ATP9B: variants seen among roughly 807,000 people sequenced by gnomAD.
ATP9B encodes probable phospholipid-transporting ATPase IIB.
Under a neutral mutation model 146.1 loss-of-function variants are expected in ATP9B, and 110 were observed. The ratio of observed to expected loss-of-function variants is 0.75; its 90% CI spans 0.65 to 0.88. The LOEUF (loss-of-function observed/expected upper bound fraction) is 0.88. ATP9B is among the 40% of genes least tolerant of loss of function. The pLI is 0.00. For synonymous variants in ATP9B, 604 were observed against 569.7 expected, an observed-to-expected ratio of 1.06 and a Z score of -0.86; for missense variants, 1,499 against 1,496.4, an observed-to-expected ratio of 1.00 and a Z score of -0.03.
intron 8 of ATP9B, among the ~76,000 whole-genome samples, chr18:79,185,546 C>CA (rs1452292975): frequency 2.4e-4 from 37 of 152,180 alleles, no homozygotes; most frequent in African/African-American, 7.9e-4. Context: ...ACCACACCAC[C>CA]AAAAAGCAGT....
intron 12 of ATP9B, among the ~76,000 whole-genome samples, chr18:79,256,286 T>TATATATATATATATATACAC (rs398033647): frequency 1.6e-4 from 20 of 123,064 alleles, no homozygotes; most frequent in African/African-American, 5.2e-4. Flanking sequence ...TATATATATA[T>TATATATATATATATATACAC]ACATACATAG....
chr18:79,089,828 T>C (rs1036204803), intron 1 of ATP9B, among the ~76,000 whole-genome samples: 4 of 152,214 alleles, frequency 2.6e-5, no homozygotes, highest in Admixed American at 2.0e-4. Flanking sequence ...CTCTTAATTA[T>C]AGTTGCCTTG....
Position 79,327,682 on chromosome 18 carries a change from C to A in ATP9B, c.1774-1459C>A, listed in dbSNP as rs1321188834. Among the ~76,000 whole-genome samples, 15 of 139,340 alleles carry A rather than the reference C, an allele frequency of 1.1e-4. 1 individual carries two copies. Among genetic ancestry groups the A allele is most frequent in the African/African-American group, 3.5e-4 (13 of 36,658 alleles). The allele number at this position is 139,340 out of a possible 152,430, so 91.4% of individuals were successfully genotyped here. ...TGTTTAGCGTGCTCTCCGTGGTTAG[C>A]GTGCTCTCCGTGGTTAGTGTGCTCT... On this transcript the variant is annotated intron_variant, in intron 15 of 29. Transcript: ENST00000426216.
intron 19 of ATP9B, among the ~76,000 whole-genome samples, chr18:79,340,098 A>G (rs895579812): frequency 1.3e-5 from 2 of 152,178 alleles, no homozygotes; most frequent in African/African-American, 4.8e-5. Flanking sequence ...AAATCGACAC[A>G]TGAATGAGCG....
intron 6 of ATP9B, among the ~76,000 whole-genome samples, chr18:79,148,153 A>G (rs1393170869): frequency 3.3e-5 from 5 of 152,216 alleles, no homozygotes; most frequent in Non-Finnish European, 7.3e-5. Context: ...TAGCCAATAA[A>G]GAAGCTGAAT....
At chr18:79,328,974 G>T (rs1341255797) in intron 15 of ATP9B, among the ~76,000 whole-genome samples, 167 bp from the exon 16 acceptor site, 1 of 152,204 alleles carries the variant, frequency 6.6e-6, no homozygotes, top group African/African-American at 2.4e-5. Context: ...CTAGAACAAT[G>T]TTATTCAAAC....
intron 7 of ATP9B, among the ~76,000 whole-genome samples, chr18:79,157,405 A>AAAAAAAAAAAC (rs1555714760): frequency 0.097 from 12,093 of 124,228 alleles, 1,102 homozygotes; most frequent in East Asian, 0.26. Context: ...TCAAAAAAAA[A>AAAAAAAAAAAC]AAAAAAAAAA....
intron 1 of ATP9B, among the ~76,000 whole-genome samples, chr18:79,072,755 C>T (rs944335686): frequency 5.4e-4 from 74 of 137,420 alleles, no homozygotes; most frequent in African/African-American, 1.8e-3. Context: ...CCCCACCTCC[C>T]AGACGGGGCG....
chr18:79,139,084 C>G (rs1398336322), intron 5 of ATP9B, among the ~76,000 whole-genome samples: 1 of 152,148 alleles, frequency 6.6e-6, no homozygotes, highest in African/African-American at 2.4e-5. Context: ...AATTATCTAT[C>G]ACTCATACCT....
intron 15 of ATP9B, among the ~76,000 whole-genome samples, chr18:79,325,159 G>T (rs1440349319): frequency 2.0e-5 from 3 of 152,180 alleles, no homozygotes; most frequent in African/African-American, 7.2e-5. Flanking sequence ...TTCCTCCCCA[G>T]TCTAGAGCAG....
At chr18:79,215,159 A>AAG (rs1337042854) in intron 11 of ATP9B, among the ~76,000 whole-genome samples, 1 of 151,932 alleles carries the variant, frequency 6.6e-6, no homozygotes, top group Non-Finnish European at 1.5e-5. Flanking sequence ...AAAAAAAAAA[A>AAG]AAAAAAGATA....
chr18:79,376,162 C>A, intron 29 of ATP9B: 1 of 968,878 alleles, frequency 1.0e-6, no homozygotes, highest in Non-Finnish European at 1.2e-6. Flanking sequence ...AAAGTCAGCT[C>A]TACCTTAGAA....
intron 1 of ATP9B, among the ~76,000 whole-genome samples, chr18:79,093,759 C>T (rs970576351): frequency 2.6e-5 from 4 of 152,102 alleles, no homozygotes; most frequent in African/African-American, 7.2e-5. Context: ...GAATTTCTGT[C>T]TACCCTAGGA....
intron 5 of ATP9B, among the ~76,000 whole-genome samples, chr18:79,143,541 A>G (rs1488940961): frequency 6.6e-6 from 1 of 152,216 alleles, no homozygotes; most frequent in Non-Finnish European, 1.5e-5. Flanking sequence ...ACATGGGAAT[A>G]ATCTTCTGAG....
chr18:79,330,089 C>T lies in ATP9B; in HGVS notation c.2013C>T (p.Asp671=). 1 of 1,614,034 alleles carries T rather than the reference C, an allele frequency of 6.2e-7. No individual in the cohort carries two copies. The highest frequency in any genetic ancestry group is 1.1e-5 in the South Asian group (1 of 91,068). ...TGTCTCCTATCGTGCAGTATAATGA[C>T]TGGCTGGAAGAGGAGGTATGTGAGT... is the stretch of plus-strand genomic sequence containing the variant. The part of the protein sequence containing the change: ...VAMSPIVQYN[D]WLEEECGNMA... Residue 671 remains aspartate, a synonymous_variant, in exon 17 of 30, where the codon GAC becomes GAT. Transcript: ENST00000426216.
chr18:79,206,989 G>A lies in ATP9B; in HGVS notation c.1007G>A (p.Trp336Ter), dbSNP rs767057337. The A allele has an allele frequency of 5.0e-6, 8 of 1,614,052 alleles. No homozygotes were observed. The highest frequency in any genetic ancestry group is 6.8e-6 in the Non-Finnish European group (8 of 1,179,942). ...HESLSIENTL[W>*]ASTIVASGTV... ...AGTCTCAGCATAGAAAATACATTGT[G>A]GGCAAGCACCATTGTTGCATCAGGT... The change falls in exon 10 of 30, where the codon TGG becomes TAG. Residue 336 changes from tryptophan to a stop codon, truncating the protein, a stop_gained. Transcript: ENST00000426216. LOFTEE classifies it high-confidence loss of function.
intron 23 of ATP9B, 150 bp from the exon 24 acceptor site, chr18:79,347,620 C>G: frequency 1.1e-6 from 1 of 918,874 alleles, no homozygotes; most frequent in East Asian, 2.8e-5. Context: ...ACCATAGGAC[C>G]TGTCCCCATC....
At position 79,190,537 on chromosome 18, in the gene ATP9B, CACACACACAT is replaced by C. The variant is rs1432660170; in HGVS notation, c.874-2644_874-2635del. On this transcript the variant is annotated intron_variant, in intron 8 of 29. Coordinates refer to ENST00000426216, the MANE Select transcript of ATP9B (RefSeq NM_198531.5). ...ACACACACACACACACACACACACA[CACACACACAT>C]ATACATATATTTTTGGCACAGAGTT... 6.3e-3 allele frequency among the ~76,000 whole-genome samples: 889 copies of C among 141,438 alleles called. 13 individuals are homozygous for C. Among genetic ancestry groups the C allele is most frequent in the African/African-American group, 0.021 (831 of 39,102 alleles). 92.8% of individuals were successfully genotyped at this position (141,438 alleles called of 152,430 possible).
At chr18:79,252,604 G>A (rs111899386) in intron 11 of ATP9B, among the ~76,000 whole-genome samples, 2,032 of 152,252 alleles carry the variant, frequency 0.013, 28 homozygotes, top group Non-Finnish European at 0.024. Flanking sequence ...AGTTCTCTCT[G>A]TTTCCAAGAT....
Sources: allele counts gnomAD v4.1 joint callset (sites outside exome capture counted in the v4.1 genomes callset), GRCh38; gene constraint gnomAD v4.1.1; transcripts MANE v1.5; gene names NCBI Gene and HGNC (gene_info 2026-07-23, HGNC 2026-07-21).